The following IRAK4 variants were observed in gnomAD, a reference collection of about 807,000 sequenced individuals.
IRAK4 encodes the protein interleukin 1 receptor associated kinase 4, also known as interleukin-1 receptor-associated kinase 4.
A neutral mutation model predicts 51.8 loss-of-function variants in IRAK4; 44 were observed. The observed-to-expected ratio is 0.85, with a 90% CI of 0.67 to 1.09. IRAK4 has a LOEUF of 1.09. Ranked by LOEUF, IRAK4 falls within the 50% of genes least tolerant of loss-of-function variation. IRAK4 has a pLI of 0.00. For synonymous variants in IRAK4, 149 were observed against 174.1 expected (o/e 0.86, Z 1.13); for missense variants, 487 against 538.0 (o/e 0.91, Z 0.94).
Position 43,769,143 on chromosome 12 carries a change from C to CT in IRAK4, c.161+881dup, listed in dbSNP as rs201213387. ...GGTGGCAGGAAGATAAAGCTCTTCT[C>CT]TTTTTTTTTTCTTTTTTCCAAGACT... On this transcript the variant is annotated intron_variant, in intron 2 of 11. Transcript: ENST00000613694. Among the ~76,000 whole-genome samples the CT allele has an allele frequency of 2.2e-3, 325 of 148,610 alleles. 7 individuals are homozygous for CT. The East Asian group carries it at 0.053, about 24-fold the overall frequency.
chr12:43,783,677 AT>A lies in IRAK4; in HGVS notation c.1142del (p.Ile381LysfsTer17). On this transcript the variant is annotated frameshift_variant, in exon 10 of 12. Transcript: ENST00000613694. LOFTEE classifies it high-confidence loss of function. ...GTCTTCATAGGTTTTACTAGAAATA[AT>A]AACTGGACTTCCAGCTGTGGATGAA... The part of the protein sequence containing the change: ...YSFGVVLLEI[I>X]TGLPAVDEHR... 2 of 1,605,526 alleles carry A rather than the reference AT, an allele frequency of 1.2e-6. No individual in the cohort carries two copies. Among genetic ancestry groups the A allele is most frequent in the Non-Finnish European group, 1.7e-6 (2 of 1,172,632 alleles).
intron 4 of IRAK4, 151 bp from the exon 5 acceptor site, chr12:43,772,761 T>A: frequency 1.5e-6 from 1 of 663,364 alleles, no homozygotes; most frequent in Non-Finnish European, 2.5e-6. Flanking sequence ...AACTTATAAT[T>A]TGTATTTTAG....
chr12:43,764,490 G>A (rs552777264), intron 1 of IRAK4, among the ~76,000 whole-genome samples: 9 of 152,164 alleles, frequency 5.9e-5, no homozygotes, highest in African/African-American at 1.9e-4. Flanking sequence ...TTTTGTAAGC[G>A]ATAACACCAG....
intron 2 of IRAK4, chr12:43,771,012 T>TTGCCCTTC: frequency 1.4e-6 from 1 of 691,878 alleles, no homozygotes; most frequent in Admixed American, 2.0e-5. Flanking sequence ...GCATGCTCTT[T>TTGCCCTTC]TGCCCTTCTG....
rs780919244 is a variant in IRAK4 at position 43,772,339 on chromosome 12, A to G, written c.467A>G (p.Lys156Arg). 1.9e-6 allele frequency: 3 copies of G among 1,613,100 alleles called. No individual in the cohort carries two copies. The highest frequency in any genetic ancestry group is 3.3e-4 in the Middle Eastern group (2 of 6,060). Residue 156 changes from lysine to arginine, a missense_variant, in exon 4 of 12, where the codon AAA (lysine) becomes AGA (arginine). Coordinates refer to ENST00000613694, the MANE Select transcript of IRAK4 (RefSeq NM_016123.4). ...MPPDSSSPENKSLEVSDTRFH... is the reference protein window; with the variant it reads ...MPPDSSSPENRSLEVSDTRFH... Reference sequence around the variant, plus strand: ...CCTGACTCCTCAAGTCCAGAAAATAAAAGTTTAGAAGTTAGTGATACACGT... The same window carrying G: ...CCTGACTCCTCAAGTCCAGAAAATAGAAGTTTAGAAGTTAGTGATACACGT...
intron 5 of IRAK4, 30 bp downstream of exon 5, chr12:43,773,102 A>G (rs1199805207): frequency 1.2e-6 from 2 of 1,600,216 alleles, no homozygotes; most frequent in Non-Finnish European, 1.7e-6. Context: ...ATAAAAAGAA[A>G]GAGTTGCTTC....
At chr12:43,772,074 C>G in intron 3 of IRAK4, 106 bp from the exon 4 acceptor site, 2 of 856,780 alleles carry the variant, frequency 2.3e-6, no homozygotes, top group South Asian at 1.4e-5. Flanking sequence ...ATGAGACCAA[C>G]CTGTAGAAAC....
chr12:43,771,474 C>G lies in IRAK4; in HGVS notation c.307+109C>G, dbSNP rs1940757128. On this transcript the variant is annotated intron_variant, in intron 3 of 11. Transcript: ENST00000613694. ...TTTTTCTCATAGTAGATGAAGCTTA[C>G]ATTTGAGAGTCCCTTTCTTTCAGCA... is the stretch of plus-strand genomic sequence containing the variant. 4 of 1,138,212 alleles carry G rather than the reference C, an allele frequency of 3.5e-6. No individual in the cohort carries two copies. The African/African-American group carries it at 6.1e-5, about 17-fold the overall frequency. 70.5% of individuals were successfully genotyped at this position (1,138,212 alleles called of 1,614,324 possible). A position where few individuals can be genotyped will look rare whatever the true frequency, so the allele number is the denominator to read the frequency against.
chr12:43,778,309 G>A lies in IRAK4; in HGVS notation c.941+7G>A. The A allele has an allele frequency of 1.4e-6, 2 of 1,476,288 alleles. No homozygotes were observed. The highest frequency in any genetic ancestry group is 1.9e-6 in the Non-Finnish European group (2 of 1,054,762). 91.4% of individuals were successfully genotyped at this position (1,476,288 alleles called of 1,614,324 possible). A position where few individuals can be genotyped will look rare whatever the true frequency, so the allele number is the denominator to read the frequency against. On this transcript the variant is annotated splice_region_variant and intron_variant, in intron 8 of 11. Coordinates refer to ENST00000613694, the MANE Select transcript of IRAK4 (RefSeq NM_016123.4). ...TTCATAGAGATATTAAAAGGTAAAT[G>A]CTACTGTTTAAAAGTTTTTGGAAAG...
At chr12:43,783,061 C>T (rs984383668) in intron 9 of IRAK4, among the ~76,000 whole-genome samples, 2 of 152,026 alleles carry the variant, frequency 1.3e-5, no homozygotes, top group African/African-American at 4.8e-5. Flanking sequence ...ATTGGGAGTC[C>T]TTAGAACATA....
chr12:43,783,125 G>T (rs1941920021), intron 9 of IRAK4, among the ~76,000 whole-genome samples: 1 of 152,046 alleles, frequency 6.6e-6, no homozygotes, highest in Non-Finnish European at 1.5e-5. Context: ...AGCTGCTTAT[G>T]GTCATGTTGG....
intron 2 of IRAK4, chr12:43,770,973 C>CTTT: frequency 3.2e-6 from 2 of 623,890 alleles, no homozygotes; most frequent in Non-Finnish European, 5.9e-6. Flanking sequence ...CTCTCTCTCT[C>CTTT]TTTTTTTTTC....
At chr12:43,783,891 C>T (rs1941994667) in intron 10 of IRAK4, among the ~76,000 whole-genome samples, 167 bp downstream of exon 10, 1 of 152,306 alleles carries the variant, frequency 6.6e-6, no homozygotes, top group African/African-American at 2.4e-5. Flanking sequence ...ATTCTCAGCT[C>T]TCCCATGAAG....
At chr12:43,765,877 T>C (rs1013289738) in intron 1 of IRAK4, among the ~76,000 whole-genome samples, 2 of 152,026 alleles carry the variant, frequency 1.3e-5, no homozygotes, top group Non-Finnish European at 2.9e-5. Flanking sequence ...TCTCCCTTTC[T>C]TCTAATCGCT....
chr12:43,786,761 A>T lies in IRAK4; in HGVS notation c.*46A>T. On this transcript the variant is annotated 3_prime_UTR_variant, in exon 12 of 12. Transcript: ENST00000613694. The stretch of plus-strand genomic sequence containing the variant: ...TTGACTTTTTATATACACCTATCTC[A>T]ACCATTTTTTTAACTGATTTTTTTC... 6.6e-7 allele frequency: 1 copy of T among 1,509,014 alleles called. No homozygotes were observed. Among genetic ancestry groups the T allele is most frequent in the African/African-American group, 1.4e-5 (1 of 72,510 alleles). The allele number at this position is 1,509,014 out of a possible 1,614,324, so 93.5% of individuals were successfully genotyped here.
chr12:43,768,069 T>A lies in IRAK4; in HGVS notation c.-9-34T>A, dbSNP rs763616549. 4.6e-6 allele frequency: 7 copies of A among 1,521,094 alleles called. No homozygotes were observed. In the Admixed American group the frequency reaches 1.2e-4, roughly 26 times the overall value. 94.2% of individuals were successfully genotyped at this position (1,521,094 alleles called of 1,614,324 possible). On this transcript the variant is annotated intron_variant, in intron 1 of 11. Transcript: ENST00000613694. ...TTACAGATGTCATCTCTAAAAGTACTGTAAAATTTTAATGAGATTTTTCCA... is the reference window on the plus strand; with the variant it reads ...TTACAGATGTCATCTCTAAAAGTACAGTAAAATTTTAATGAGATTTTTCCA...
chr12:43,772,217 A>G lies in IRAK4; in HGVS notation c.345A>G (p.Lys115=), dbSNP rs752616965. Residue 115 remains lysine, a synonymous_variant, in exon 4 of 12, where the codon AAA becomes AAG. Coordinates refer to ENST00000613694, the MANE Select transcript of IRAK4 (RefSeq NM_016123.4). Reference sequence around the variant, plus strand: ...AAACTGCTAATACACTACCTTCTAAAGAAGCTATAACAGTTCAGCAAAAAC... The same window carrying G: ...AAACTGCTAATACACTACCTTCTAAGGAAGCTATAACAGTTCAGCAAAAAC... ...VPKTANTLPS[K]EAITVQQKQM... 1.8e-5 allele frequency: 29 copies of G among 1,613,618 alleles called. No homozygotes were observed. The highest frequency in any genetic ancestry group is 2.4e-5 in the Non-Finnish European group (28 of 1,179,872).
intron 3 of IRAK4, among the ~76,000 whole-genome samples, chr12:43,771,898 T>G (rs1024738980): frequency 7.2e-5 from 11 of 152,320 alleles, no homozygotes; most frequent in Middle Eastern, 3.4e-3. Context: ...GTAATCAGAA[T>G]TCTGGAATTG....
intron 2 of IRAK4, among the ~76,000 whole-genome samples, chr12:43,770,695 G>A (rs1469049734): frequency 6.7e-6 from 1 of 150,032 alleles, no homozygotes; most frequent in East Asian, 2.0e-4. Flanking sequence ...AGGAGATGCT[G>A]TGGGCAAAAT....
Sources: allele counts gnomAD v4.1 joint callset (sites outside exome capture counted in the v4.1 genomes callset), GRCh38; gene constraint gnomAD v4.1.1; transcripts MANE v1.5; gene names NCBI Gene and HGNC (gene_info 2026-07-23, HGNC 2026-07-21).